Variants in CAMKMT observed in about 807,000 individuals in gnomAD.
CAMKMT encodes calmodulin-lysine N-methyltransferase, also known as CaM KMT.
A neutral mutation model predicts 48.0 loss-of-function variants in CAMKMT; 53 were observed. The observed-to-expected ratio is 1.10, with a 90% CI of 0.89 to 1.39. The LOEUF (loss-of-function observed/expected upper bound fraction) is 1.39, where lower values mean the gene tolerates loss of function less well. Ranked by LOEUF, CAMKMT falls within the 40% of genes most tolerant of loss-of-function variation. The pLI is 0.00. For missense variants in CAMKMT, 428 were observed against 402.7 expected (o/e 1.06, Z -0.54); for synonymous variants, 165 against 152.3 (o/e 1.08, Z -0.61).
intron 3 of CAMKMT, among the ~76,000 whole-genome samples, chr2:44,639,323 A>G (rs184231813): frequency 3.6e-4 from 55 of 152,310 alleles, no homozygotes; most frequent in Non-Finnish European, 7.2e-4. Flanking sequence ...ACAAACAGCA[A>G]ATGCCATCTT....
chr2:44,434,223 G>A (rs1310795286), intron 3 of CAMKMT, among the ~76,000 whole-genome samples: 3 of 110,608 alleles, frequency 2.7e-5, no homozygotes, highest in African/African-American at 7.9e-5. Flanking sequence ...ACGTTTGTGA[G>A]GGATTTTTTT....
At chr2:44,521,855 TAAAAA>T (rs1322056811) in intron 3 of CAMKMT, among the ~76,000 whole-genome samples, 2 of 39,278 alleles carry the variant, frequency 5.1e-5, no homozygotes, top group East Asian at 3.0e-4. Flanking sequence ...ATTCTGTCTC[TAAAAA>T]TAAAAATAAA....
At position 44,441,984 on chromosome 2, in the gene CAMKMT, A is replaced by G. The variant is rs141466198; in HGVS notation, c.376+51679A>G. ...ATATACAAGGCTGATGGAGAGCAAA[A>G]GAGGCTGCCCGATAGCACTTTAAAG... On this transcript the variant is annotated intron_variant, in intron 3 of 10. Coordinates refer to ENST00000378494, the MANE Select transcript of CAMKMT (RefSeq NM_024766.5). Among the ~76,000 whole-genome samples the G allele has an allele frequency of 9.2e-5, 14 of 152,268 alleles. No homozygotes were observed. In the East Asian group the frequency reaches 2.7e-3, roughly 29 times the overall value.
chr2:44,561,364 C>G (rs1668314940), intron 3 of CAMKMT, among the ~76,000 whole-genome samples: 2 of 152,108 alleles, frequency 1.3e-5, no homozygotes, highest in Non-Finnish European at 2.9e-5. Flanking sequence ...TACTGTTTTC[C>G]TTTCTTAATC....
In CAMKMT at chr2:44,459,460, AT is replaced by A. The variant is rs576988069; in HGVS notation, c.376+69157del. Among the ~76,000 whole-genome samples the A allele has an allele frequency of 3.1e-3, 468 of 152,312 alleles. 2 individuals carry two copies. The highest frequency in any genetic ancestry group is 0.011 in the African/African-American group (452 of 41,576). ...ATTTCCCTAGGTGATGAAATGTATTATTATTTAGAACATTTATTTTAGTGTG... is the reference window on the plus strand; with the variant it reads ...ATTTCCCTAGGTGATGAAATGTATTATATTTAGAACATTTATTTTAGTGTG... On this transcript the variant is annotated intron_variant, in intron 3 of 10. Coordinates refer to ENST00000378494, the MANE Select transcript of CAMKMT (RefSeq NM_024766.5).
chr2:44,767,386 G>A (rs1004038995), intron 10 of CAMKMT, among the ~76,000 whole-genome samples: 13 of 152,136 alleles, frequency 8.5e-5, no homozygotes, highest in Admixed American at 7.2e-4. Flanking sequence ...ATAAAGGCCC[G>A]AGCTTAATTT....
intron 7 of CAMKMT, among the ~76,000 whole-genome samples, chr2:44,717,758 C>G (rs1001213196): frequency 4.6e-5 from 7 of 151,558 alleles, no homozygotes; most frequent in African/African-American, 1.5e-4. Flanking sequence ...AGCTGAATGT[C>G]TCTTGTGACT....
At chr2:44,672,406 T>G (rs1675383216) in intron 3 of CAMKMT, among the ~76,000 whole-genome samples, 1 of 152,178 alleles carries the variant, frequency 6.6e-6, no homozygotes, top group Non-Finnish European at 1.5e-5. Flanking sequence ...AGTAAATAAT[T>G]TTGTGGGTTT....
intron 7 of CAMKMT, among the ~76,000 whole-genome samples, chr2:44,738,851 A>C (rs2104362665): frequency 6.6e-6 from 1 of 152,326 alleles, no homozygotes; most frequent in East Asian, 1.9e-4. Flanking sequence ...CCTCCCTGAG[A>C]AGGTAAGACA....
chr2:44,368,535 A>G (rs1176771275), intron 1 of CAMKMT, among the ~76,000 whole-genome samples: 2 of 152,260 alleles, frequency 1.3e-5, no homozygotes, highest in Non-Finnish European at 2.9e-5. Context: ...TCACGTTGTC[A>G]TACTGTAGAT....
At chr2:44,468,813 G>A (rs547829389) in intron 3 of CAMKMT, among the ~76,000 whole-genome samples, 2 of 152,296 alleles carry the variant, frequency 1.3e-5, no homozygotes, top group South Asian at 2.1e-4. Flanking sequence ...TAGGTACTCA[G>A]GAGGCTGAGG....
chr2:44,604,891 C>G (rs1157604331), intron 3 of CAMKMT, among the ~76,000 whole-genome samples: 1 of 152,068 alleles, frequency 6.6e-6, no homozygotes, highest in Non-Finnish European at 1.5e-5. Flanking sequence ...AACAAATAGG[C>G]TGTTTGTGGC....
chr2:44,629,459 A>T (rs1421899033), intron 3 of CAMKMT, among the ~76,000 whole-genome samples: 14 of 134,494 alleles, frequency 1.0e-4, no homozygotes, highest in African/African-American at 4.0e-4. Flanking sequence ...TTTTTGAGAC[A>T]GGGTCTCACT....
chr2:44,525,349 G>C lies in CAMKMT; in HGVS notation c.376+135044G>C, dbSNP rs538566669. ...CAGCTCACTGCAACCTCTGCCTCCC[G>C]GATTCAAGCAATTCTCCTGCCTCAG... On this transcript the variant is annotated intron_variant, in intron 3 of 10. Transcript: ENST00000378494. Among the ~76,000 whole-genome samples, 6 of 151,936 alleles carry C rather than the reference G, an allele frequency of 3.9e-5. 1 individual carries two copies. In the South Asian group the frequency reaches 1.2e-3, roughly 32 times the overall value.
chr2:44,390,773 C>G (rs1363397972), intron 3 of CAMKMT, among the ~76,000 whole-genome samples: 2 of 152,030 alleles, frequency 1.3e-5, no homozygotes, highest in Admixed American at 6.6e-5. Flanking sequence ...TACATTAATA[C>G]CAGAGTGTTT....
chr2:44,631,310 G>T (rs1558757962), intron 3 of CAMKMT, among the ~76,000 whole-genome samples: 1 of 152,012 alleles, frequency 6.6e-6, no homozygotes, highest in Non-Finnish European at 1.5e-5. Flanking sequence ...TGACGAGTTA[G>T]TGGGTGCAGC....
At chr2:44,671,490 G>C (rs1306379071) in intron 3 of CAMKMT, among the ~76,000 whole-genome samples, 1 of 152,214 alleles carries the variant, frequency 6.6e-6, no homozygotes, top group Non-Finnish European at 1.5e-5. Context: ...GCAGATGACT[G>C]TTTGTTGTCT....
At chr2:44,587,395 T>A (rs1473645393) in intron 3 of CAMKMT, among the ~76,000 whole-genome samples, 1 of 152,194 alleles carries the variant, frequency 6.6e-6, no homozygotes, top group Admixed American at 6.5e-5. Flanking sequence ...TATTTTTTAA[T>A]GCTATTGTAA....
chr2:44,366,465 A>G (rs1260034959), intron 1 of CAMKMT, among the ~76,000 whole-genome samples: 1 of 152,142 alleles, frequency 6.6e-6, no homozygotes, highest in African/African-American at 2.4e-5. Flanking sequence ...CTTTTTCTTC[A>G]TAAATGTTAT....
Sources: allele counts gnomAD v4.1 joint callset (sites outside exome capture counted in the v4.1 genomes callset), GRCh38; gene constraint gnomAD v4.1.1; transcripts MANE v1.5; gene names NCBI Gene and HGNC (gene_info 2026-07-23, HGNC 2026-07-21).